DAGLA: variants seen among roughly 807,000 people sequenced by gnomAD.
DAGLA encodes the protein diacylglycerol lipase alpha, also known as diacylglycerol lipase-alpha.
DAGLA carries 22 observed loss-of-function variants against 102.6 expected under a neutral mutation model. The ratio of observed to expected loss-of-function variants is 0.21; its 90% CI spans 0.15 to 0.31. DAGLA has a LOEUF of 0.31. Ranked by LOEUF, DAGLA falls within the 10% of genes least tolerant of loss-of-function variation. The pLI is 1.00. For missense variants in DAGLA, 927 were observed against 1,446.6 expected, an observed-to-expected ratio of 0.64 and a Z score of 5.83; for synonymous variants, 578 against 628.9, an observed-to-expected ratio of 0.92 and a Z score of 1.21.
At chr11:61,710,697 C>G (rs186964871) in intron 1 of DAGLA, among the ~76,000 whole-genome samples, 57 of 152,228 alleles carry the variant, frequency 3.7e-4, no homozygotes, top group Admixed American at 1.2e-3. Context: ...AGCCTGCTCA[C>G]CTGTCTGTTT....
intron 1 of DAGLA, among the ~76,000 whole-genome samples, chr11:61,698,045 A>G (rs1361963078): frequency 6.6e-6 from 1 of 152,244 alleles, no homozygotes; most frequent in Non-Finnish European, 1.5e-5. Context: ...GGCTGGTACT[A>G]CTGCCCTTAT....
chr11:61,694,692 A>G (rs1172917212), intron 1 of DAGLA, among the ~76,000 whole-genome samples: 1 of 152,144 alleles, frequency 6.6e-6, no homozygotes, highest in Non-Finnish European at 1.5e-5. Flanking sequence ...GCTGTTTTCC[A>G]TCGAGTGGCT....
At chr11:61,718,509 G>A (rs967910581) in intron 1 of DAGLA, among the ~76,000 whole-genome samples, 2 of 151,356 alleles carry the variant, frequency 1.3e-5, no homozygotes, top group Non-Finnish European at 2.9e-5. Flanking sequence ...CTGTCCTATC[G>A]TGTCCAACCC....
Position 61,728,299 on chromosome 11 carries a change from C to T in DAGLA, c.771+12C>T, listed in dbSNP as rs759747201. 1.9e-6 allele frequency: 3 copies of T among 1,607,750 alleles called. No homozygotes were observed. Among genetic ancestry groups the T allele is most frequent in the Non-Finnish European group, 2.5e-6 (3 of 1,179,368 alleles). On this transcript the variant is annotated intron_variant, in intron 7 of 19. Coordinates refer to ENST00000257215, the MANE Select transcript of DAGLA (RefSeq NM_006133.3). ...CCGTGCTGGACGAGGTGAGCACCAC[C>T]AGCCCCTTCTCCAGGTCACCTCTCC...
chr11:61,703,881 G>C (rs1053906035), intron 1 of DAGLA, among the ~76,000 whole-genome samples: 6 of 152,214 alleles, frequency 3.9e-5, no homozygotes, highest in South Asian at 4.1e-4. Context: ...AAGATCCAAA[G>C]ATCCAGGGAA....
intron 1 of DAGLA, among the ~76,000 whole-genome samples, chr11:61,705,473 C>T (rs1429706725): frequency 1.3e-5 from 2 of 152,190 alleles, no homozygotes. Flanking sequence ...GCCCTGCTGC[C>T]GAGGGTATCC....
At chr11:61,719,125 C>T (rs1343796496) in intron 1 of DAGLA, among the ~76,000 whole-genome samples, 1 of 152,234 alleles carries the variant, frequency 6.6e-6, no homozygotes, top group Non-Finnish European at 1.5e-5. Flanking sequence ...GGGGACCTAG[C>T]TCCCTGTGGG....
intron 9 of DAGLA, among the ~76,000 whole-genome samples, chr11:61,733,265 A>G (rs1278132433): frequency 2.0e-5 from 3 of 152,194 alleles, no homozygotes; most frequent in Non-Finnish European, 4.4e-5. Context: ...TTACAGCCTC[A>G]TGCTCAGCTG....
At chr11:61,740,424 AC>A in intron 17 of DAGLA, 38 bp from the exon 18 acceptor site, 2 of 1,603,104 alleles carry the variant, frequency 1.2e-6, no homozygotes, top group Non-Finnish European at 8.5e-7. Context: ...CCAGGCCACC[AC>A]CCCACCCTTA....
In DAGLA at chr11:61,743,993, A is replaced by T. The variant is rs2065509920; in HGVS notation, c.2633A>T (p.Glu878Val). ...CCCCCCAGTGCTGCGGCCAATGACG[A>T]GGAGGAAGAGGTTGGCGGTGGGGGT... ...ERPPSAAAND[E>V]EEEVGGGGGG... The change falls in exon 20 of 20, where the codon GAG (glutamate) becomes GTG (valine). Residue 878 changes from glutamate (E) to valine (V), a missense_variant. Transcript: ENST00000257215. 6.2e-7 allele frequency: 1 copy of T among 1,611,938 alleles called. No homozygotes were observed. The highest frequency in any genetic ancestry group is 2.2e-5 in the East Asian group (1 of 44,850).
intron 2 of DAGLA, 58 bp downstream of exon 2, chr11:61,720,308 C>G: frequency 6.5e-7 from 1 of 1,526,806 alleles, no homozygotes; most frequent in Non-Finnish European, 9.0e-7. Context: ...TCTGGAAGGA[C>G]GCTTTCTGGC....
At chr11:61,712,774 G>A (rs1413207484) in intron 1 of DAGLA, among the ~76,000 whole-genome samples, 2 of 152,210 alleles carry the variant, frequency 1.3e-5, no homozygotes, top group Non-Finnish European at 2.9e-5. Context: ...TGGGAAGAAG[G>A]GGAAGGTACT....
chr11:61,687,316 A>G lies in DAGLA; in HGVS notation c.-45+6812A>G, dbSNP rs562468424. 6.0e-4 allele frequency among the ~76,000 whole-genome samples: 90 copies of G among 148,984 alleles called. 1 individual carries two copies. Among genetic ancestry groups the G allele is most frequent in the African/African-American group, 2.1e-3 (87 of 40,704 alleles). ...CACCTCCTCCATGAGGCCATTCTCC[A>G]TGCTCCACTGACTCTAGCACTCTTT... On this transcript the variant is annotated intron_variant, in intron 1 of 19. Transcript: ENST00000257215.
At chr11:61,740,695 G>A in intron 18 of DAGLA, 103 bp downstream of exon 18, 8 of 1,473,712 alleles carry the variant, frequency 5.4e-6, no homozygotes, top group Middle Eastern at 1.8e-4. Context: ...ACAGACAAGG[G>A]TGCTGGGGCT....
intron 1 of DAGLA, among the ~76,000 whole-genome samples, chr11:61,708,361 A>G (rs958179177): frequency 1.3e-5 from 2 of 148,238 alleles, no homozygotes; most frequent in African/African-American, 5.0e-5. Flanking sequence ...TCTGAGCCAG[A>G]GCCTGCTTTC....
At chr11:61,732,141 G>A (rs1265797668) in intron 9 of DAGLA, among the ~76,000 whole-genome samples, 4 of 152,138 alleles carry the variant, frequency 2.6e-5, no homozygotes, top group East Asian at 1.9e-4. Context: ...GGGTGTCTCC[G>A]CCCTCAGCTC....
chr11:61,710,506 C>T (rs1476264998), intron 1 of DAGLA, among the ~76,000 whole-genome samples: 2 of 152,070 alleles, frequency 1.3e-5, no homozygotes, highest in African/African-American at 4.8e-5. Flanking sequence ...TGGCCTTGGG[C>T]GAGAACTCTG....
rs2064970369 is a variant in DAGLA, at chr11:61,684,477, GAC to G, written c.-45+3974_-45+3975del. 6.6e-6 allele frequency among the ~76,000 whole-genome samples: 1 copy of G among 152,166 alleles called. No individual in the cohort carries two copies. The highest frequency in any genetic ancestry group is 1.5e-5 in the Non-Finnish European group (1 of 68,046). On this transcript the variant is annotated intron_variant, in intron 1 of 19. Coordinates refer to ENST00000257215, the MANE Select transcript of DAGLA (RefSeq NM_006133.3). The surrounding 1 kb of genome is among the most constrained non-coding windows in gnomAD (Gnocchi z 4.5). ...GATGGGAAGCGTGAGTGTGGGTGTG[GAC>G]GTGGGTTGTGTGTGTGGGCAGGAAA...
intron 19 of DAGLA, 100 bp downstream of exon 19, chr11:61,741,449 C>G (rs2065479107): frequency 7.5e-7 from 1 of 1,326,726 alleles, no homozygotes; most frequent in Admixed American, 2.2e-5. Flanking sequence ...GGGCTCAGCT[C>G]TGCACACGTG....
Sources: gnomAD v4.1 joint callset for allele counts (sites outside exome capture counted in the v4.1 genomes callset) on GRCh38, gnomAD v4.1.1 for gene constraint, Gnocchi (gnomAD v3.1) non-coding constraint, MANE v1.5 for transcripts, NCBI Gene and HGNC (gene_info 2026-07-23, HGNC 2026-07-21) for gene names.